PRUNE2: variants seen among roughly 807,000 people sequenced by gnomAD.
PRUNE2 encodes protein prune homolog 2.
PRUNE2 carries 164 observed loss-of-function variants against 252.0 expected under a neutral mutation model. The ratio of observed to expected loss-of-function variants is 0.65; its 90% confidence interval spans 0.57 to 0.74. The LOEUF (loss-of-function observed/expected upper bound fraction) is 0.74, where lower values mean the gene tolerates loss of function less well. Among genes scored for constraint, PRUNE2 ranks in the 30% least tolerant of loss-of-function variants. The pLI is 0.00. For missense variants in PRUNE2, 3,495 were observed against 3,711.0 expected (o/e 0.94, Z 1.51); for synonymous variants, 1,292 against 1,350.2 (o/e 0.96, Z 0.94).
chr9:76,642,001 T>TTAAAAAAAAAAAAAA, intron 12 of PRUNE2: 1 of 1,010,460 alleles, frequency 9.9e-7, no homozygotes, highest in East Asian at 2.8e-5. Context: ...ATAAGAGAAG[T>TTAAAAAAAAAAAAAA]AAAAAAAAAA....
chr9:76,642,023 GA>G, intron 12 of PRUNE2: 1 of 1,177,130 alleles, frequency 8.5e-7, no homozygotes, highest in South Asian at 1.6e-5. Context: ...AAAAAGAAAA[GA>G]AAAAGAAAAG....
intron 11 of PRUNE2, 21 bp from the exon 12 acceptor site, chr9:76,644,930 A>G (rs1190182102): frequency 6.2e-7 from 1 of 1,609,248 alleles, no homozygotes; most frequent in African/African-American, 1.3e-5. Flanking sequence ...CAAAGCACAG[A>G]GCAAGGCTGA....
At position 76,705,217 on chromosome 9, in the gene PRUNE2, C is replaced by CA. The variant is rs867577993; in HGVS notation, c.7056dup (p.Glu2353Ter). On this transcript the variant is annotated frameshift_variant, in exon 8 of 19. Transcript: ENST00000376718. LOFTEE classifies it high-confidence loss of function. The stretch of plus-strand genomic sequence containing the variant: ...ATATTCTGGCCCATTACATCATATT[C>CA]AAAATCACCCCACGAGGCTTCAGAT... 6 of 1,613,918 alleles carry CA rather than the reference C, an allele frequency of 3.7e-6. No homozygotes were observed. The African/African-American group carries it at 8.0e-5, about 22-fold the overall frequency.
chr9:76,740,939 A>G (rs967706065), intron 6 of PRUNE2, among the ~76,000 whole-genome samples: 1 of 152,314 alleles, frequency 6.6e-6, no homozygotes, highest in African/African-American at 2.4e-5. Flanking sequence ...ACTTATTTAA[A>G]TTAGTGATGC....
intron 9 of PRUNE2, among the ~76,000 whole-genome samples, chr9:76,685,375 G>A (rs1222809841): frequency 6.6e-6 from 1 of 152,144 alleles, no homozygotes. Context: ...AGGACCATCA[G>A]GAATTCCTGG....
chr9:76,737,096 G>T (rs373245392), intron 6 of PRUNE2: 5 of 152,328 alleles, frequency 3.3e-5, no homozygotes, highest in Middle Eastern at 3.4e-3. Context: ...TTCGTGTGTA[G>T]CTGTATTCCT....
intron 6 of PRUNE2, among the ~76,000 whole-genome samples, chr9:76,720,644 TA>T (rs60945579): frequency 0.21 from 32,505 of 151,280 alleles, 3,995 homozygotes; most frequent in East Asian, 0.57. Context: ...TTTATGGGAT[TA>T]AATCTGATTC....
chr9:76,800,676 C>T (rs925525741), intron 6 of PRUNE2, among the ~76,000 whole-genome samples: 8 of 152,086 alleles, frequency 5.3e-5, no homozygotes, highest in Admixed American at 2.0e-4. Flanking sequence ...GAAGACATTG[C>T]GCCCTACTCC....
intron 9 of PRUNE2, among the ~76,000 whole-genome samples, chr9:76,702,812 T>C (rs1184860770): frequency 1.3e-5 from 2 of 152,148 alleles, no homozygotes; most frequent in African/African-American, 2.4e-5. Flanking sequence ...AAGCGGTGTG[T>C]CAACTGAGAA....
intron 6 of PRUNE2, among the ~76,000 whole-genome samples, chr9:76,822,601 A>C (rs2058098468): frequency 6.6e-6 from 1 of 152,236 alleles, no homozygotes. Flanking sequence ...TGAGGTCAGG[A>C]GTTCAAGACC....
intron 4 of PRUNE2, among the ~76,000 whole-genome samples, chr9:76,845,315 T>C (rs899804157): frequency 1.3e-5 from 2 of 152,224 alleles, no homozygotes; most frequent in African/African-American, 4.8e-5. Context: ...CCAAACTTCT[T>C]AGTTTACAAG....
At chr9:76,790,404 C>G (rs1027259460) in intron 6 of PRUNE2, among the ~76,000 whole-genome samples, 1 of 152,156 alleles carries the variant, frequency 6.6e-6, no homozygotes, top group Non-Finnish European at 1.5e-5. Context: ...AATTTTCATG[C>G]CAGTAAAACA....
At chr9:76,904,234 C>CTT (rs143159423) in intron 1 of PRUNE2, among the ~76,000 whole-genome samples, 2 of 146,246 alleles carry the variant, frequency 1.4e-5, no homozygotes, top group Non-Finnish European at 3.0e-5. Context: ...CTTTCCTGTC[C>CTT]TTTTTTTTTT....
At chr9:76,631,401 C>A (rs952956955) in intron 15 of PRUNE2, among the ~76,000 whole-genome samples, 1 of 152,184 alleles carries the variant, frequency 6.6e-6, no homozygotes, top group Non-Finnish European at 1.5e-5. Flanking sequence ...TTTCAGCTGG[C>A]CAATCCTGCT....
intron 1 of PRUNE2, among the ~76,000 whole-genome samples, chr9:76,878,715 T>C (rs1479959886): frequency 6.6e-6 from 1 of 152,162 alleles, no homozygotes; most frequent in East Asian, 1.9e-4. Flanking sequence ...TCTTAAGCTG[T>C]CTTCTAAAAC....
At chr9:76,680,463 T>G (rs1412790479) in intron 9 of PRUNE2, among the ~76,000 whole-genome samples, 1 of 152,214 alleles carries the variant, frequency 6.6e-6, no homozygotes, top group Non-Finnish European at 1.5e-5. Context: ...TGATGCAGCC[T>G]CTTTTAAAAA....
At chr9:76,696,414 T>A (rs1460346288) in intron 9 of PRUNE2, among the ~76,000 whole-genome samples, 1 of 152,058 alleles carries the variant, frequency 6.6e-6, no homozygotes, top group Non-Finnish European at 1.5e-5. Context: ...GCCCCAAGCC[T>A]CCCTCACCCT....
At chr9:76,773,709 G>A (rs1336443123) in intron 6 of PRUNE2, among the ~76,000 whole-genome samples, 3 of 152,146 alleles carry the variant, frequency 2.0e-5, no homozygotes, top group Admixed American at 6.5e-5. Context: ...CTCCCAAAGT[G>A]CTGGGATTAC....
intron 1 of PRUNE2, among the ~76,000 whole-genome samples, chr9:76,888,445 C>T (rs1397505560): frequency 1.3e-5 from 2 of 151,818 alleles, no homozygotes; most frequent in Non-Finnish European, 2.9e-5. Context: ...GGCGTGGTGG[C>T]GCAGGCCTGT....
Sources: gnomAD v4.1 joint callset for allele counts (sites outside exome capture counted in the v4.1 genomes callset) on GRCh38, gnomAD v4.1.1 for gene constraint, MANE v1.5 for transcripts, NCBI Gene and HGNC (gene_info 2026-07-23, HGNC 2026-07-21) for gene names.